Variants in ARFIP1 observed in about 807,000 individuals in gnomAD.
The protein encoded by ARFIP1 is arfaptin-1.
In ARFIP1, 24 loss-of-function variants were observed where a neutral mutation model predicts 42.5. That is an observed-to-expected ratio of 0.57 (90% CI 0.41 to 0.80). The LOEUF is 0.80. Ranked by LOEUF, ARFIP1 falls within the 30% of genes least tolerant of loss-of-function variation. ARFIP1 has a pLI of 0.00. For missense variants in ARFIP1, 354 were observed against 434.0 expected, an observed-to-expected ratio of 0.82 and a Z score of 1.64; for synonymous variants, 141 against 153.7, an observed-to-expected ratio of 0.92 and a Z score of 0.61.
intron 4 of ARFIP1, 106 bp from the exon 5 acceptor site, chr4:152,872,346 T>A (rs1346613068): frequency 2.7e-6 from 2 of 730,962 alleles, no homozygotes; most frequent in African/African-American, 3.7e-5. Flanking sequence ...CCTTTTTTTC[T>A]TTTTTTAGAT....
At chr4:152,800,257 C>A (rs1032210894) in intron 1 of ARFIP1, among the ~76,000 whole-genome samples, 5 of 152,072 alleles carry the variant, frequency 3.3e-5, no homozygotes, top group African/African-American at 9.7e-5. Context: ...AGATTTGTTA[C>A]CAGAAGAACA....
At chr4:152,846,196 A>G (rs1732523783) in intron 2 of ARFIP1, among the ~76,000 whole-genome samples, 1 of 152,168 alleles carries the variant, frequency 6.6e-6, no homozygotes, top group African/African-American at 2.4e-5. Context: ...GAAACTGGGA[A>G]CGACTAGAGT....
chr4:152,796,147 C>G lies in ARFIP1; in HGVS notation c.-10+15921C>G, dbSNP rs183059423. 57 of 748,900 alleles carry G rather than the reference C, an allele frequency of 7.6e-5. No homozygotes were observed. In the Middle Eastern group the frequency reaches 7.9e-3, roughly 103 times the overall value. The allele number at this position is 748,900 out of a possible 1,614,324, so 46.4% of individuals were successfully genotyped here. A position where few individuals can be genotyped will look rare whatever the true frequency, so the allele number is the denominator to read the frequency against. On this transcript the variant is annotated intron_variant, in intron 1 of 8. Coordinates refer to ENST00000353617, the MANE Select transcript of ARFIP1 (RefSeq NM_001025595.3). ...CATATTTCCCCAAATAACTTTGCCT[C>G]CCTGTGTCACAAGGCCCACTTCACT... is the stretch of plus-strand genomic sequence containing the variant.
intron 1 of ARFIP1, among the ~76,000 whole-genome samples, chr4:152,813,096 T>C (rs1729594779): frequency 6.6e-6 from 1 of 152,118 alleles, no homozygotes; most frequent in African/African-American, 2.4e-5. Context: ...CAGCCAACCT[T>C]GGATTGAAAA....
At chr4:152,860,059 T>A (rs774020332) in intron 2 of ARFIP1, among the ~76,000 whole-genome samples, 42 of 152,124 alleles carry the variant, frequency 2.8e-4, no homozygotes, top group Non-Finnish European at 5.4e-4. Context: ...AAGAAAATAA[T>A]CTTTCATCAT....
chr4:152,910,210 A>G lies in ARFIP1; in HGVS notation c.1113A>G (p.Glu371=), dbSNP rs776586528. The G allele has an allele frequency of 1.2e-6, 2 of 1,611,876 alleles. No individual in the cohort carries two copies. The highest frequency in any genetic ancestry group is 3.4e-5 in the Admixed American group (2 of 59,490). Residue 371 remains glutamate, a synonymous_variant, in exon 9 of 9, where the codon GAA becomes GAG. Transcript: ENST00000353617. ...GAGTGGATGCCCCATCTTGGCTTGA[A>G]GAACAGTAAAATCACAGCGGAAAAT... ...TPGVDAPSWL[E]EQ
At chr4:152,783,137 C>T (rs1730601835) in intron 1 of ARFIP1, among the ~76,000 whole-genome samples, 1 of 152,008 alleles carries the variant, frequency 6.6e-6, no homozygotes, top group South Asian at 2.1e-4. Flanking sequence ...GGTGAAACCC[C>T]ATCTCTCCTA....
intron 1 of ARFIP1, among the ~76,000 whole-genome samples, chr4:152,819,752 G>T (rs919287057): frequency 9.2e-5 from 14 of 152,168 alleles, no homozygotes; most frequent in Admixed American, 7.2e-4. Flanking sequence ...GGGCTTGGTA[G>T]ACAAAGTGCA....
At chr4:152,884,550 C>G (rs958365069) in intron 7 of ARFIP1, among the ~76,000 whole-genome samples, 13 of 152,008 alleles carry the variant, frequency 8.6e-5, no homozygotes, top group African/African-American at 3.1e-4. Context: ...TCCAAAAATA[C>G]CCCCACCACC....
At chr4:152,885,573 C>G (rs1387531095) in intron 7 of ARFIP1, among the ~76,000 whole-genome samples, 2 of 151,926 alleles carry the variant, frequency 1.3e-5, no homozygotes, top group Non-Finnish European at 2.9e-5. Flanking sequence ...AGCTTCTCTT[C>G]TTGGTGGTAA....
At chr4:152,901,418 A>C (rs749049466) in intron 8 of ARFIP1, among the ~76,000 whole-genome samples, 21 of 152,184 alleles carry the variant, frequency 1.4e-4, no homozygotes, top group Non-Finnish European at 2.5e-4. Flanking sequence ...CTTAGTAGTC[A>C]GTGTTAGAGT....
chr4:152,831,354 C>T (rs986821428), intron 2 of ARFIP1, among the ~76,000 whole-genome samples: 9 of 152,168 alleles, frequency 5.9e-5, no homozygotes, highest in Non-Finnish European at 1.3e-4. Flanking sequence ...CTGATGAAAG[C>T]TGAGGACCTT....
At chr4:152,881,923 G>A (rs2149892497) in intron 6 of ARFIP1, among the ~76,000 whole-genome samples, 1 of 152,234 alleles carries the variant, frequency 6.6e-6, no homozygotes, top group South Asian at 2.1e-4. Flanking sequence ...TGTTTCAACT[G>A]AAATTGAAAA....
At chr4:152,865,286 G>A (rs894995197) in intron 3 of ARFIP1, among the ~76,000 whole-genome samples, 1 of 151,952 alleles carries the variant, frequency 6.6e-6, no homozygotes, top group Admixed American at 6.6e-5. Flanking sequence ...ACAGGCGCCT[G>A]CCACCATGCC....
rs932141806 is a variant in ARFIP1 at position 152,912,200 on chromosome 4, C to T, written c.*1981C>T. 6.6e-6 allele frequency: 1 copy of T among 151,524 alleles called. No homozygotes were observed. Among genetic ancestry groups the T allele is most frequent in the African/African-American group, 2.4e-5 (1 of 41,188 alleles). The allele number at this position is 151,524 out of a possible 1,614,324, so 9.4% of individuals were successfully genotyped here. On this transcript the variant is annotated 3_prime_UTR_variant, in exon 9 of 9. Coordinates refer to ENST00000353617, the MANE Select transcript of ARFIP1 (RefSeq NM_001025595.3). ...CATGATTCTGATAGTGGGCACATGACCAAAAGAAAAAAGTAAATCAATATA... is the reference window on the plus strand; with the variant it reads ...CATGATTCTGATAGTGGGCACATGATCAAAAGAAAAAAGTAAATCAATATA...
At chr4:152,864,199 T>C (rs1283304319) in intron 3 of ARFIP1, among the ~76,000 whole-genome samples, 1 of 152,192 alleles carries the variant, frequency 6.6e-6, no homozygotes, top group African/African-American at 2.4e-5. Context: ...TTTGACCACC[T>C]CTCTATCCTA....
chr4:152,847,124 C>CTTTTTGTTTTTTTTTTTTTTTTTTT (rs1732601851), intron 2 of ARFIP1, among the ~76,000 whole-genome samples: 1 of 40,584 alleles, frequency 2.5e-5, no homozygotes, highest in Non-Finnish European at 4.5e-5. Flanking sequence ...TAGGTTTGTT[C>CTTTTTGTTTTTTTTTTTTTTTTTTT]TTTTTTTTTT....
intron 8 of ARFIP1, among the ~76,000 whole-genome samples, chr4:152,889,836 C>CTA (rs1272282572): frequency 9.1e-5 from 9 of 98,814 alleles, no homozygotes; most frequent in Non-Finnish European, 1.8e-4. Flanking sequence ...ATACTATATA[C>CTA]TATATATATA....
intron 7 of ARFIP1, among the ~76,000 whole-genome samples, chr4:152,886,102 G>C (rs570907481): frequency 6.6e-6 from 1 of 151,874 alleles, no homozygotes; most frequent in Non-Finnish European, 1.5e-5. Context: ...TAAATCTTTT[G>C]TATTTGTCTC....
Sources: gnomAD v4.1 joint callset for allele counts (sites outside exome capture counted in the v4.1 genomes callset) on GRCh38, gnomAD v4.1.1 for gene constraint, MANE v1.5 for transcripts, NCBI Gene and HGNC (gene_info 2026-07-23, HGNC 2026-07-21) for gene names.